The following PTPRD variants were observed in gnomAD, a reference collection of about 807,000 sequenced individuals.
PTPRD encodes the protein protein tyrosine phosphatase receptor type D, also known as receptor-type tyrosine-protein phosphatase delta.
A neutral mutation model predicts 214.5 loss-of-function variants in PTPRD; 34 were observed. The ratio of observed to expected loss-of-function variants is 0.16; its 90% CI spans 0.12 to 0.21. PTPRD has a LOEUF of 0.21. Among genes scored for constraint, PTPRD ranks in the 10% least tolerant of loss-of-function variants. PTPRD has a pLI of 1.00. For missense variants in PTPRD, 2,545 were observed against 2,398.7 expected, an observed-to-expected ratio of 1.06 and a Z score of -1.27; for synonymous variants, 1,128 against 845.7, an observed-to-expected ratio of 1.33 and a Z score of -5.79.
intron 4 of PTPRD, among the ~76,000 whole-genome samples, chr9:10,011,819 T>G (rs955100124): frequency 6.6e-6 from 1 of 151,980 alleles, no homozygotes; most frequent in Non-Finnish European, 1.5e-5. Context: ...ATCTTATCAG[T>G]CACCTCCTAA....
At chr9:10,073,290 A>C (rs2098067703) in intron 3 of PTPRD, among the ~76,000 whole-genome samples, 1 of 152,092 alleles carries the variant, frequency 6.6e-6, no homozygotes. Context: ...CAATCTCATT[A>C]AAGGGAGTAG....
chr9:9,795,854 G>C (rs1598078930), intron 5 of PTPRD, among the ~76,000 whole-genome samples: 1 of 151,950 alleles, frequency 6.6e-6, no homozygotes, highest in Admixed American at 6.5e-5. Flanking sequence ...AGGTAAAATT[G>C]CCACTGACAT....
intron 35 of PTPRD, among the ~76,000 whole-genome samples, chr9:8,421,337 TTTC>T (rs1354285726): frequency 1.5e-5 from 2 of 137,494 alleles, no homozygotes; most frequent in Non-Finnish European, 3.3e-5. Context: ...TCCTTTTCTT[TTTC>T]TTTTCTTTCT....
intron 10 of PTPRD, among the ~76,000 whole-genome samples, chr9:9,034,912 A>G (rs779661016): frequency 2.6e-5 from 4 of 152,142 alleles, no homozygotes; most frequent in African/African-American, 4.8e-5. Context: ...CTCTGAACCA[A>G]TCAAGAACTT....
At chr9:8,767,466 A>AGTAGAGT (rs1322667546) in intron 11 of PTPRD, among the ~76,000 whole-genome samples, 25 of 152,094 alleles carry the variant, frequency 1.6e-4, no homozygotes, top group Non-Finnish European at 3.1e-4. Flanking sequence ...CTACTCAAAG[A>AGTAGAGT]TCATTTATAT....
chr9:8,875,845 G>A lies in PTPRD; in HGVS notation c.-103-141899C>T, dbSNP rs77615649. ...TTTGTGCATATGCCTTAACTTCTCT[G>A]AGCCCTGCTTTCCTCATGAAGGAGG... On this transcript the variant is annotated intron_variant, in intron 11 of 45. Transcript: ENST00000381196. Among the ~76,000 whole-genome samples, 14 of 152,184 alleles carry A rather than the reference G, an allele frequency of 9.2e-5. No individual in the cohort carries two copies. The East Asian group carries it at 2.7e-3, about 29-fold the overall frequency.
At chr9:9,958,732 T>G (rs1200360694) in intron 4 of PTPRD, among the ~76,000 whole-genome samples, 1 of 152,170 alleles carries the variant, frequency 6.6e-6, no homozygotes, top group East Asian at 1.9e-4. Context: ...TTAAAATGCA[T>G]AAGGTATCTG....
chr9:9,776,166 A>G (rs1039178320), intron 5 of PTPRD, among the ~76,000 whole-genome samples: 2 of 152,084 alleles, frequency 1.3e-5, no homozygotes, highest in African/African-American at 4.8e-5. Context: ...CTTGCTGTCC[A>G]CTGAATATGT....
chr9:10,031,681 C>CACACACACAT (rs1555495089), intron 4 of PTPRD, among the ~76,000 whole-genome samples: 33 of 133,898 alleles, frequency 2.5e-4, no homozygotes, highest in African/African-American at 8.4e-4. Context: ...CACACACACA[C>CACACACACAT]ATATCCTATT....
chr9:9,023,192 A>C (rs1428679439), intron 10 of PTPRD, among the ~76,000 whole-genome samples: 2 of 152,188 alleles, frequency 1.3e-5, no homozygotes, highest in Non-Finnish European at 2.9e-5. Context: ...CCATCACAAC[A>C]GTAAGTGAGA....
chr9:9,168,991 T>A (rs2099909316), intron 10 of PTPRD, among the ~76,000 whole-genome samples: 3 of 151,952 alleles, frequency 2.0e-5, no homozygotes, highest in African/African-American at 7.2e-5. Flanking sequence ...TCATGAAATT[T>A]CATTTACCTA....
intron 7 of PTPRD, among the ~76,000 whole-genome samples, chr9:9,672,874 T>C (rs1221709884): frequency 6.6e-6 from 1 of 152,130 alleles, no homozygotes; most frequent in Non-Finnish European, 1.5e-5. Flanking sequence ...AAGAAGTATA[T>C]GTAGATGGTA....
At chr9:8,558,940 G>A (rs1262723796) in intron 14 of PTPRD, among the ~76,000 whole-genome samples, 1 of 152,114 alleles carries the variant, frequency 6.6e-6, no homozygotes, top group East Asian at 1.9e-4. Context: ...TCAATTAATT[G>A]AGTAAATACA....
chr9:9,882,041 C>T (rs2068898852), intron 5 of PTPRD, among the ~76,000 whole-genome samples: 1 of 151,952 alleles, frequency 6.6e-6, no homozygotes. Context: ...TCTTCAATAT[C>T]TATATAGTTG....
chr9:10,455,503 C>CG (rs1390811273), intron 2 of PTPRD, among the ~76,000 whole-genome samples: 1 of 151,674 alleles, frequency 6.6e-6, no homozygotes, highest in Non-Finnish European at 1.5e-5. Context: ...CTCTGATGCC[C>CG]CAGCCACACC....
At chr9:8,541,369 A>C (rs2078365526) in intron 14 of PTPRD, among the ~76,000 whole-genome samples, 1 of 152,102 alleles carries the variant, frequency 6.6e-6, no homozygotes. Flanking sequence ...AGCTGGGACT[A>C]CAGGCATGTG....
chr9:10,149,745 T>G (rs2099047996), intron 3 of PTPRD, among the ~76,000 whole-genome samples: 1 of 151,920 alleles, frequency 6.6e-6, no homozygotes. Flanking sequence ...TTTTTTTTTT[T>G]TCTGAGATGG....
At chr9:9,013,539 CA>C (rs1300177869) in intron 11 of PTPRD, among the ~76,000 whole-genome samples, 2 of 152,092 alleles carry the variant, frequency 1.3e-5, no homozygotes, top group African/African-American at 4.8e-5. Flanking sequence ...CTCCAATGGA[CA>C]AAAGCAACAA....
chr9:9,845,073 T>C (rs1181450675), intron 5 of PTPRD, among the ~76,000 whole-genome samples: 1 of 125,750 alleles, frequency 8.0e-6, no homozygotes, highest in African/African-American at 2.9e-5. Flanking sequence ...TATATATATA[T>C]ATTGCTCTAT....
Sources: gnomAD v4.1 joint callset for allele counts (sites outside exome capture counted in the v4.1 genomes callset) on GRCh38, gnomAD v4.1.1 for gene constraint, MANE v1.5 for transcripts, NCBI Gene and HGNC (gene_info 2026-07-23, HGNC 2026-07-21) for gene names.